The following ZNF559 variants were observed in gnomAD, a reference collection of about 807,000 sequenced individuals.
The protein encoded by ZNF559 is putative protein product of Nbla00121.
ZNF559 carries 17 observed loss-of-function variants against 14.2 expected under a neutral mutation model. The ratio of observed to expected loss-of-function variants is 1.20; its 90% CI spans 0.82 to 1.80. ZNF559 has a LOEUF of 1.80. ZNF559 is among the 40% of genes most tolerant of loss of function. The probability of loss-of-function intolerance (pLI) is 0.00; values close to 1 mark genes in which losing one functional copy is unlikely to be tolerated. For synonymous variants in ZNF559, 244 were observed against 212.4 expected (o/e 1.15, Z -1.29); for missense variants, 740 against 629.7 (o/e 1.18, Z -1.88).
At chr19:9,338,100 A>G (rs927828282) in intron 3 of ZNF559, 2 of 1,248,442 alleles carry the variant, frequency 1.6e-6, no homozygotes, top group Admixed American at 4.0e-5. Context: ...TTTAGGGTCT[A>G]AGTGGCCCTG....
At chr19:9,324,807 C>A in intron 2 of ZNF559, 27 bp downstream of exon 2, 1 of 1,526,620 alleles carries the variant, frequency 6.6e-7, no homozygotes, top group Non-Finnish European at 8.8e-7. Context: ...CTTGTTCTGG[C>A]TGTGGGTGTC....
chr19:9,334,684 A>G (rs1168499359), intron 2 of ZNF559, among the ~76,000 whole-genome samples: 1 of 152,360 alleles, frequency 6.6e-6, no homozygotes, highest in South Asian at 2.1e-4. Context: ...ATATATTTCA[A>G]TTAAATGTTT....
At chr19:9,340,913 A>G (rs2067544101) in intron 5 of ZNF559, among the ~76,000 whole-genome samples, 189 bp from the exon 6 acceptor site, 1 of 152,030 alleles carries the variant, frequency 6.6e-6, no homozygotes, top group Non-Finnish European at 1.5e-5. Flanking sequence ...ACTTGACCTC[A>G]GTACCTTACT....
chr19:9,326,659 T>G (rs1416057374), intron 2 of ZNF559, among the ~76,000 whole-genome samples: 1 of 152,216 alleles, frequency 6.6e-6, no homozygotes, highest in Non-Finnish European at 1.5e-5. Flanking sequence ...ATTTTTAATA[T>G]ATTAAAAATG....
Position 9,342,184 on chromosome 19 carries a change from G to T in ZNF559, c.733G>T (p.Ala245Ser), listed in dbSNP as rs1412917149. 1 of 1,607,516 alleles carries T rather than the reference G, an allele frequency of 6.2e-7. No homozygotes were observed. The highest frequency in any genetic ancestry group is 1.1e-5 in the South Asian group (1 of 89,544). Residue 245 changes from alanine to serine, a missense_variant, in exon 7 of 7, where the codon GCA becomes TCA. Physicochemically the swap from Ala to Ser is moderately conservative, Grantham distance 99. Coordinates refer to ENST00000603380, the MANE Select transcript of ZNF559 (RefSeq NM_032497.3). ...TGGAGAAAAATTCTATGAATGTAAA[G>T]CATGTGGGAAACCCTTCACTGAGTC... ...QDGEKFYECK[A>S]CGKPFTESSY...
chr19:9,335,155 T>TAAAAAAAA (rs1568362673), intron 2 of ZNF559, among the ~76,000 whole-genome samples: 15 of 138,312 alleles, frequency 1.1e-4, no homozygotes, highest in African/African-American at 4.2e-4. Flanking sequence ...AAAAAAAAAT[T>TAAAAAAAA]AGCTGGTCAT....
At chr19:9,325,312 G>A (rs963520479) in intron 2 of ZNF559, among the ~76,000 whole-genome samples, 6 of 151,888 alleles carry the variant, frequency 4.0e-5, no homozygotes, top group Non-Finnish European at 8.8e-5. Flanking sequence ...TGGGCATGGT[G>A]GTGTCTGTGG....
Position 9,342,171 on chromosome 19 carries a change from C to G in ZNF559, c.720C>G (p.Phe240Leu). 6.2e-7 allele frequency: 1 copy of G among 1,609,800 alleles called. No homozygotes were observed. Among genetic ancestry groups the G allele is most frequent in the Non-Finnish European group, 8.5e-7 (1 of 1,178,746 alleles). Residue 240 changes from phenylalanine (F) to leucine (L), a missense_variant, in exon 7 of 7, where the codon TTC becomes TTG. Physicochemically the swap from Phe to Leu is conservative, Grantham distance 22. Coordinates refer to ENST00000603380, the MANE Select transcript of ZNF559 (RefSeq NM_032497.3). ...TGCAAACTCAAGATGGAGAAAAATTCTATGAATGTAAAGCATGTGGGAAAC... is the reference window on the plus strand; with the variant it reads ...TGCAAACTCAAGATGGAGAAAAATTGTATGAATGTAAAGCATGTGGGAAAC... The part of the protein sequence containing the change: ...VHMQTQDGEK[F>L]YECKACGKPF...
At chr19:9,339,839 G>C (rs2067451603) in intron 5 of ZNF559, among the ~76,000 whole-genome samples, 2 of 149,468 alleles carry the variant, frequency 1.3e-5, no homozygotes, top group African/African-American at 5.0e-5. Context: ...CGTGATCTTG[G>C]CTCACTGCAA....
intron 2 of ZNF559, among the ~76,000 whole-genome samples, chr19:9,335,155 T>TAAAAAAAAAAA (rs1568362673): frequency 1.7e-4 from 24 of 138,292 alleles, no homozygotes; most frequent in African/African-American, 6.4e-4. Context: ...AAAAAAAAAT[T>TAAAAAAAAAAA]AGCTGGTCAT....
intron 6 of ZNF559, chr19:9,341,396 C>T: frequency 1.3e-6 from 1 of 754,488 alleles, no homozygotes; most frequent in Non-Finnish European, 2.3e-6. Context: ...TTTCCTTCAA[C>T]ATTCCCATAT....
At position 9,329,055 on chromosome 19, in the gene ZNF559, CTG is replaced by C. The variant is rs549466433; in HGVS notation, c.-120+4278_-120+4279del. Among the ~76,000 whole-genome samples, 10 of 150,292 alleles carry C rather than the reference CTG, an allele frequency of 6.7e-5. No individual in the cohort carries two copies. The South Asian group carries it at 1.9e-3, about 29-fold the overall frequency. ...AACTGCTTTGTTCTTTTTGTGGTGA[CTG>C]TGCAGCTGTGTTTTTTTGTTTTTTG... On this transcript the variant is annotated intron_variant, in intron 2 of 6. Transcript: ENST00000603380.
At position 9,343,123 on chromosome 19, in the gene ZNF559, C is replaced by T; in HGVS notation, c.*55C>T. On this transcript the variant is annotated 3_prime_UTR_variant, in exon 7 of 7. Transcript: ENST00000603380. Reference sequence around the variant, plus strand: ...TAAAGCCACTACTTCCTCACACTTACTGAACATGTACTCATTCATAGTGGC... The same window carrying T: ...TAAAGCCACTACTTCCTCACACTTATTGAACATGTACTCATTCATAGTGGC... 1.9e-6 allele frequency: 3 copies of T among 1,561,414 alleles called. No homozygotes were observed. The highest frequency in any genetic ancestry group is 1.8e-5 in the Admixed American group (1 of 56,280).
chr19:9,324,504 C>T (rs1390729081), intron 1 of ZNF559, 191 bp from the exon 2 acceptor site: 14 of 1,342,546 alleles, frequency 1.0e-5, no homozygotes, highest in Non-Finnish European at 8.9e-6. Flanking sequence ...CTGCAGAAGC[C>T]TCATAGGGCC....
At chr19:9,335,741 C>T (rs1267396469) in intron 2 of ZNF559, among the ~76,000 whole-genome samples, 9 of 152,130 alleles carry the variant, frequency 5.9e-5, no homozygotes, top group Admixed American at 5.9e-4. Flanking sequence ...TACCATGTTG[C>T]CCAGGCTGGT....
intron 2 of ZNF559, among the ~76,000 whole-genome samples, chr19:9,333,876 T>C (rs192151174): frequency 1.1e-3 from 175 of 152,306 alleles, no homozygotes; most frequent in Middle Eastern, 3.4e-3. Flanking sequence ...GACTGTACTA[T>C]GGATAATAAA....
Position 9,345,831 on chromosome 19 carries a change from A to T in ZNF559, c.*2763A>T, listed in dbSNP as rs1420673638. ...ATACTTTATATTTAATATAATGTAC[A>T]TTTAAATATATAATAAAACATTTCA... On this transcript the variant is annotated 3_prime_UTR_variant, in exon 7 of 7. Coordinates refer to ENST00000603380, the MANE Select transcript of ZNF559 (RefSeq NM_032497.3). 1 of 151,556 alleles carries T rather than the reference A, an allele frequency of 6.6e-6. No homozygotes were observed. Among genetic ancestry groups the T allele is most frequent in the Non-Finnish European group, 1.5e-5 (1 of 67,894 alleles). The allele number at this position is 151,556 out of a possible 1,614,324, so 9.4% of individuals were successfully genotyped here. A position where few individuals can be genotyped will look rare whatever the true frequency, so the allele number is the denominator to read the frequency against.
intron 5 of ZNF559, 38 bp downstream of exon 5, chr19:9,339,357 T>C (rs758053692): frequency 1.9e-6 from 3 of 1,567,546 alleles, no homozygotes; most frequent in East Asian, 4.5e-5. Context: ...AGTTTTTTTC[T>C]GGAACAAATG....
chr19:9,336,581 C>G (rs755826554), intron 2 of ZNF559, among the ~76,000 whole-genome samples: 2 of 150,802 alleles, frequency 1.3e-5, no homozygotes, highest in Non-Finnish European at 2.9e-5. Context: ...GGCGACAGAG[C>G]GAGACTCCAT....
Sources: allele counts gnomAD v4.1 joint callset (sites outside exome capture counted in the v4.1 genomes callset), GRCh38; gene constraint gnomAD v4.1.1; transcripts MANE v1.5; gene names NCBI Gene and HGNC (gene_info 2026-07-23, HGNC 2026-07-21).